Variants in FAM219A observed in about 807,000 individuals in gnomAD.
FAM219A encodes family with sequence similarity 219 member A, also known as protein FAM219A.
FAM219A carries 7 observed loss-of-function variants against 23.4 expected under a neutral mutation model. That is an observed-to-expected ratio of 0.30 (90% CI 0.17 to 0.56). The LOEUF is 0.56. Among genes scored for constraint, FAM219A ranks in the 20% least tolerant of loss-of-function variants. FAM219A has a pLI of 0.92. For synonymous variants in FAM219A, 93 were observed against 99.0 expected (o/e 0.94, Z 0.36); for missense variants, 166 against 246.9 (o/e 0.67, Z 2.20).
rs1012546389 is a variant in FAM219A, at chr9:34,457,746, C to T, written c.60+458G>A. On this transcript the variant is annotated intron_variant, in intron 1 of 5. Coordinates refer to ENST00000651358, the MANE Select transcript of FAM219A (RefSeq NM_001184940.2). The surrounding 1 kb of genome is among the most constrained non-coding windows in gnomAD (Gnocchi z 5.1). The stretch of plus-strand genomic sequence containing the variant: ...TCCGTATATCCAGCGGACAGGCGGG[C>T]AAGCCCCTCCTCTTCTAAAAGCTGA... 1.3e-5 allele frequency among the ~76,000 whole-genome samples: 2 copies of T among 152,210 alleles called. No individual in the cohort carries two copies. The highest frequency in any genetic ancestry group is 4.8e-5 in the African/African-American group (2 of 41,468).
At chr9:34,440,365 T>C (rs1465055885) in intron 1 of FAM219A, among the ~76,000 whole-genome samples, 6 of 152,154 alleles carry the variant, frequency 3.9e-5, no homozygotes, top group South Asian at 2.1e-4. Context: ...AGCTCTCAAC[T>C]TCTGTGTGCT....
rs999450922 is a variant in FAM219A at position 34,458,170 on chromosome 9, C to T, written c.60+34G>A. The T allele has an allele frequency of 1.3e-6, 2 of 1,567,616 alleles. No homozygotes were observed. The highest frequency in any genetic ancestry group is 1.7e-6 in the Non-Finnish European group (2 of 1,163,412). ...CCCTCCCCCTCAAGCGACGCCCCCT[C>T]CGGCCTTGGCCTGCCCGCCGCCCGC... is the stretch of plus-strand genomic sequence containing the variant. On this transcript the variant is annotated intron_variant, in intron 1 of 5. Coordinates refer to ENST00000651358, the MANE Select transcript of FAM219A (RefSeq NM_001184940.2). The surrounding 1 kb of genome is among the most constrained non-coding windows in gnomAD (Gnocchi z 6.6).
At chr9:34,424,427 TA>T (rs1413949935) in intron 1 of FAM219A, among the ~76,000 whole-genome samples, 4 of 131,190 alleles carry the variant, frequency 3.0e-5, no homozygotes, top group Non-Finnish European at 5.3e-5. Flanking sequence ...GCACATTTGC[TA>T]TCTTTTAGGA....
chr9:34,402,579 C>T lies in FAM219A; in HGVS notation c.264-112G>A. The T allele has an allele frequency of 3.2e-6, 5 of 1,551,610 alleles. 1 individual carries two copies. The highest frequency in any genetic ancestry group is 3.7e-4 in the Middle Eastern group (2 of 5,376). Reference sequence around the variant, plus strand: ...TCTTCCCTCCCTCCCCACCTTGGATCCTGTTAAGGCTGTCTCCTCTCAGAG... The same window carrying T: ...TCTTCCCTCCCTCCCCACCTTGGATTCTGTTAAGGCTGTCTCCTCTCAGAG... On this transcript the variant is annotated intron_variant, in intron 3 of 5. Coordinates refer to ENST00000651358, the MANE Select transcript of FAM219A (RefSeq NM_001184940.2).
In FAM219A at chr9:34,398,333, G is replaced by A. The variant is rs144513637; in HGVS notation, c.*2631C>T. On this transcript the variant is annotated 3_prime_UTR_variant, in exon 6 of 6. Coordinates refer to ENST00000651358, the MANE Select transcript of FAM219A (RefSeq NM_001184940.2). Reference sequence around the variant, plus strand: ...TTCCTGGAAATAAATTAGTGAGCACGGAGAAACCTGGCTGGGTGGCAGCCA... The same window carrying A: ...TTCCTGGAAATAAATTAGTGAGCACAGAGAAACCTGGCTGGGTGGCAGCCA... 6.4e-6 allele frequency: 10 copies of A among 1,550,804 alleles called. No homozygotes were observed. The highest frequency in any genetic ancestry group is 2.7e-5 in the African/African-American group (2 of 73,170).
rs781741211 is a variant in FAM219A, at chr9:34,416,808, ATTTTT to A, written c.61-10849_61-10845del. On this transcript the variant is annotated intron_variant, in intron 1 of 5. Coordinates refer to ENST00000651358, the MANE Select transcript of FAM219A (RefSeq NM_001184940.2). ...AGTATCAGAACATAATCAGCTCTCC[ATTTTT>A]TTTTTTTTTTTTTTTTTAAATAGAG... 4.4e-5 allele frequency among the ~76,000 whole-genome samples: 5 copies of A among 113,650 alleles called. 1 individual carries two copies. Among genetic ancestry groups the A allele is most frequent in the Admixed American group, 4.0e-4 (4 of 10,032 alleles). 74.6% of individuals were successfully genotyped at this position (113,650 alleles called of 152,430 possible). A position where few individuals can be genotyped will look rare whatever the true frequency, so the allele number is the denominator to read the frequency against.
At chr9:34,419,147 T>C (rs1420444132) in intron 1 of FAM219A, among the ~76,000 whole-genome samples, 1 of 152,130 alleles carries the variant, frequency 6.6e-6, no homozygotes, top group Non-Finnish European at 1.5e-5. Flanking sequence ...GTTATGCATA[T>C]TCTAATACAA....
intron 1 of FAM219A, among the ~76,000 whole-genome samples, chr9:34,414,869 G>C (rs1369911511): frequency 1.3e-5 from 2 of 152,216 alleles, no homozygotes; most frequent in Non-Finnish European, 2.9e-5. Flanking sequence ...CCACTCTCCA[G>C]CTCTGGACTA....
chr9:34,446,410 G>A (rs550530327), intron 1 of FAM219A, among the ~76,000 whole-genome samples: 1 of 152,324 alleles, frequency 6.6e-6, no homozygotes, highest in Non-Finnish European at 1.5e-5. Flanking sequence ...TGCTGCTTGT[G>A]CTAAGTTCCA....
intron 1 of FAM219A, among the ~76,000 whole-genome samples, chr9:34,434,114 ATG>A (rs2131986749): frequency 6.7e-6 from 1 of 148,770 alleles, no homozygotes; most frequent in African/African-American, 2.5e-5. Context: ...AGGCAGGAGA[ATG>A]GCGTGAACCC....
At chr9:34,425,746 A>G (rs1025090413) in intron 1 of FAM219A, among the ~76,000 whole-genome samples, 2 of 152,142 alleles carry the variant, frequency 1.3e-5, no homozygotes, top group Non-Finnish European at 2.9e-5. Context: ...AGCCTCAATG[A>G]GGTTAGACTG....
chr9:34,401,135 G>A lies in FAM219A; in HGVS notation c.400-13C>T. ...CTTGGTTGATCTGCTGTAGGCAAAG[G>A]GGAGGGAGGTCAGGCCCGAGCGGCA... On this transcript the variant is annotated splice_polypyrimidine_tract_variant and intron_variant, in intron 5 of 5. Transcript: ENST00000651358. 6.2e-7 allele frequency: 1 copy of A among 1,612,552 alleles called. No homozygotes were observed. The highest frequency in any genetic ancestry group is 1.1e-5 in the South Asian group (1 of 90,960).
chr9:34,451,610 A>G (rs1823565708), intron 1 of FAM219A, among the ~76,000 whole-genome samples: 1 of 152,180 alleles, frequency 6.6e-6, no homozygotes, highest in Non-Finnish European at 1.5e-5. Context: ...GTTTGAGTGA[A>G]GAAGCCTGTT....
intron 1 of FAM219A, among the ~76,000 whole-genome samples, chr9:34,419,613 A>G (rs1471349949): frequency 6.6e-6 from 1 of 152,222 alleles, no homozygotes; most frequent in Non-Finnish European, 1.5e-5. Flanking sequence ...AGGAAGCAGA[A>G]GCAGGAGAAA....
chr9:34,418,809 C>T (rs1822134565), intron 1 of FAM219A, among the ~76,000 whole-genome samples: 1 of 152,138 alleles, frequency 6.6e-6, no homozygotes, highest in African/African-American at 2.4e-5. Flanking sequence ...GTGGCTCATG[C>T]CTGTAATCCC....
intron 1 of FAM219A, among the ~76,000 whole-genome samples, chr9:34,419,024 A>C (rs1460606252): frequency 6.6e-6 from 1 of 152,160 alleles, no homozygotes. Flanking sequence ...GCAGTGAGCC[A>C]AGATTGCACC....
At chr9:34,405,092 C>A (rs1821586387) in intron 2 of FAM219A, among the ~76,000 whole-genome samples, 1 of 152,174 alleles carries the variant, frequency 6.6e-6, no homozygotes, top group Non-Finnish European at 1.5e-5. Context: ...ATTGTAAATT[C>A]TTTCCTGTAT....
rs1822577933 is a variant in FAM219A at position 34,428,724 on chromosome 9, G to C, written c.61-22760C>G. 2.0e-5 allele frequency among the ~76,000 whole-genome samples: 3 copies of C among 152,240 alleles called. 1 individual carries two copies. In the South Asian group the frequency reaches 6.2e-4, roughly 31 times the overall value. ...TGAGAGCAGACTGAGAGCGAGCTCT[G>C]GCTGAGTTTAGGTCTGTTCCACTTG... On this transcript the variant is annotated intron_variant, in intron 1 of 5. Transcript: ENST00000651358.
chr9:34,439,137 C>T (rs530887468), intron 1 of FAM219A, among the ~76,000 whole-genome samples: 16 of 152,180 alleles, frequency 1.1e-4, no homozygotes, highest in African/African-American at 3.6e-4. Context: ...AAACTCCGAA[C>T]ACATCTGAAC....
Sources: allele counts gnomAD v4.1 joint callset (sites outside exome capture counted in the v4.1 genomes callset), GRCh38; gene constraint gnomAD v4.1.1; non-coding constraint Gnocchi (gnomAD v3.1); transcripts MANE v1.5; gene names NCBI Gene and HGNC (gene_info 2026-07-23, HGNC 2026-07-21).